Variants in DOCK4 observed in about 807,000 individuals in gnomAD.
DOCK4 encodes dedicator of cytokinesis 4, also known as dedicator of cytokinesis protein 4.
In DOCK4, 97 loss-of-function variants were observed where a neutral mutation model predicts 268.1. The observed-to-expected ratio is 0.36, with a 90% confidence interval of 0.31 to 0.43. The LOEUF is 0.43. DOCK4 is among the 20% of genes least tolerant of loss of function. DOCK4 has a pLI of 1.00. For synonymous variants in DOCK4, 954 were observed against 887.2 expected (o/e 1.08, Z -1.34); for missense variants, 2,145 against 2,455.7 (o/e 0.87, Z 2.67).
At chr7:111,976,304 T>C (rs1267859000) in intron 8 of DOCK4, among the ~76,000 whole-genome samples, 1 of 93,584 alleles carries the variant, frequency 1.1e-5, no homozygotes, top group Non-Finnish European at 2.2e-5. Flanking sequence ...TATATATATA[T>C]ATATATATAT....
intron 1 of DOCK4, among the ~76,000 whole-genome samples, chr7:112,090,934 T>A (rs10281256): frequency 0.095 from 14,417 of 152,106 alleles, 1,121 homozygotes; most frequent in East Asian, 0.39. Flanking sequence ...TCCAGATTCC[T>A]AGGCAGGGAC....
chr7:111,888,585 G>A (rs190694039), intron 16 of DOCK4, among the ~76,000 whole-genome samples: 1 of 152,110 alleles, frequency 6.6e-6, no homozygotes, highest in Non-Finnish European at 1.5e-5. Flanking sequence ...TGAAGTAGAA[G>A]GCAAATGGAG....
At chr7:111,957,329 T>C (rs1796521917) in intron 8 of DOCK4, among the ~76,000 whole-genome samples, 1 of 152,148 alleles carries the variant, frequency 6.6e-6, no homozygotes, top group Non-Finnish European at 1.5e-5. Flanking sequence ...AAATTGCATA[T>C]TGGGCACCAT....
intron 12 of DOCK4, among the ~76,000 whole-genome samples, chr7:111,929,383 A>G (rs1433460673): frequency 1.3e-5 from 2 of 152,204 alleles, no homozygotes; most frequent in Non-Finnish European, 2.9e-5. Context: ...GTTGAAAAAA[A>G]AACTTTAAAG....
chr7:112,181,694 A>G (rs572582066), intron 1 of DOCK4, among the ~76,000 whole-genome samples: 1 of 151,156 alleles, frequency 6.6e-6, no homozygotes, highest in Non-Finnish European at 1.5e-5. Flanking sequence ...GAACTATTTA[A>G]ATAAAGTATG....
chr7:112,119,781 A>G lies in DOCK4; in HGVS notation c.37+86321T>C, dbSNP rs138213050. ...GGAACCCATCTCATGCAGCTGCCGT[A>G]AGGATTATACAAAGGCAGGAAGCAC... On this transcript the variant is annotated intron_variant, in intron 1 of 52. Coordinates refer to ENST00000428084, the MANE Select transcript of DOCK4 (RefSeq NM_001363540.2). Among the ~76,000 whole-genome samples the G allele has an allele frequency of 1.7e-3, 265 of 152,196 alleles. 1 individual carries two copies. The highest frequency in any genetic ancestry group is 5.9e-3 in the African/African-American group (246 of 41,546).
intron 1 of DOCK4, among the ~76,000 whole-genome samples, chr7:112,068,604 T>G (rs1200667865): frequency 6.6e-6 from 1 of 152,212 alleles, no homozygotes; most frequent in Non-Finnish European, 1.5e-5. Context: ...TTATTATAAT[T>G]ATGACTCTGC....
intron 20 of DOCK4, among the ~76,000 whole-genome samples, chr7:111,871,443 T>C (rs1008411489): frequency 6.6e-6 from 1 of 152,202 alleles, no homozygotes; most frequent in Non-Finnish European, 1.5e-5. Flanking sequence ...GCAGTTAAAA[T>C]AGCAGCTCCT....
At chr7:111,971,744 T>C in intron 8 of DOCK4, 1 of 310,504 alleles carries the variant, frequency 3.2e-6, no homozygotes, top group Non-Finnish European at 5.8e-6. Flanking sequence ...AGCTGTTTGG[T>C]GGTCCAAGGC....
intron 13 of DOCK4, among the ~76,000 whole-genome samples, chr7:111,912,804 G>A (rs933716031): frequency 1.3e-4 from 19 of 151,906 alleles, no homozygotes. Context: ...TAGGGACAGT[G>A]TGAAATTTCT....
chr7:111,841,642 T>G (rs1310266353), intron 25 of DOCK4, among the ~76,000 whole-genome samples: 1 of 151,714 alleles, frequency 6.6e-6, no homozygotes, highest in African/African-American at 2.4e-5. Context: ...TCATGGAAAA[T>G]TTCACCCCAC....
At chr7:111,732,336 T>A in intron 51 of DOCK4, 49 bp from the exon 52 acceptor site, 1 of 1,590,818 alleles carries the variant, frequency 6.3e-7, no homozygotes, top group Non-Finnish European at 8.6e-7. Context: ...AACCAGACGA[T>A]TGACTATCTG....
At chr7:112,182,628 C>T (rs1819156302) in intron 1 of DOCK4, among the ~76,000 whole-genome samples, 1 of 152,188 alleles carries the variant, frequency 6.6e-6, no homozygotes, top group African/African-American at 2.4e-5. Context: ...TACAAAGGAG[C>T]AAAGCCTCTT....
chr7:112,139,606 C>G (rs1325447269), intron 1 of DOCK4, among the ~76,000 whole-genome samples: 2 of 152,144 alleles, frequency 1.3e-5, no homozygotes. Flanking sequence ...AATTCAGTGG[C>G]AGCCTGATAC....
intron 8 of DOCK4, among the ~76,000 whole-genome samples, chr7:111,949,840 C>T (rs1158402107): frequency 6.6e-6 from 1 of 152,160 alleles, no homozygotes; most frequent in African/African-American, 2.4e-5. Flanking sequence ...TATTACTCAC[C>T]CACACTGAAA....
intron 8 of DOCK4, among the ~76,000 whole-genome samples, chr7:111,962,158 CTAG>C (rs1796954607): frequency 6.6e-6 from 1 of 152,092 alleles, no homozygotes; most frequent in African/African-American, 2.4e-5. Context: ...TTACCTTTTA[CTAG>C]TAGGTCTCTC....
chr7:112,185,202 G>A (rs1010827958), intron 1 of DOCK4, among the ~76,000 whole-genome samples: 1 of 152,220 alleles, frequency 6.6e-6, no homozygotes. Context: ...AGTGCAGGCT[G>A]CATGCTGCTG....
At position 111,940,162 on chromosome 7, in the gene DOCK4, C is replaced by T. The variant is rs201403135; in HGVS notation, c.925G>A (p.Ala309Thr). 1.6e-5 allele frequency: 26 copies of T among 1,613,870 alleles called. No individual in the cohort carries two copies. Among genetic ancestry groups the T allele is most frequent in the African/African-American group, 2.7e-5 (2 of 74,924 alleles). The change falls in exon 11 of 53, where the codon GCT (alanine) becomes ACT (threonine). Residue 309 changes from alanine (A) to threonine (T), a missense_variant. By Grantham distance (58) the Ala-to-Thr change is moderately conservative. Transcript: ENST00000428084. ...RPFGCAVLSI[A>T]DLLTGETKDD... ...TTTGTCTCTCCTGTTAGCAGGTCAGCGATGCTAAGAACTGCACAGCCAAAG... is the reference window on the plus strand; with the variant it reads ...TTTGTCTCTCCTGTTAGCAGGTCAGTGATGCTAAGAACTGCACAGCCAAAG...
At chr7:111,970,010 G>C (rs567726726) in intron 8 of DOCK4, among the ~76,000 whole-genome samples, 1 of 152,118 alleles carries the variant, frequency 6.6e-6, no homozygotes, top group Non-Finnish European at 1.5e-5. Context: ...TCTGTTTCCT[G>C]ATGCCTCCTA....
Sources: gnomAD v4.1 joint callset for allele counts (sites outside exome capture counted in the v4.1 genomes callset) on GRCh38, gnomAD v4.1.1 for gene constraint, MANE v1.5 for transcripts, NCBI Gene and HGNC (gene_info 2026-07-23, HGNC 2026-07-21) for gene names.